MECR: variants seen among roughly 807,000 people sequenced by gnomAD.
The protein encoded by MECR is mitochondrial trans-2-enoyl-CoA reductase, also known as enoyl-[acyl-carrier-protein] reductase, mitochondrial.
In MECR, 37 loss-of-function variants were observed where a neutral mutation model predicts 49.1. That is an observed-to-expected ratio of 0.75 (90% CI 0.58 to 0.99). MECR has a LOEUF of 0.99. Among genes scored for constraint, MECR ranks in the 50% least tolerant of loss-of-function variants. MECR has a pLI of 0.00. For synonymous variants in MECR, 198 were observed against 191.1 expected, an observed-to-expected ratio of 1.04 and a Z score of -0.30; for missense variants, 470 against 479.6, an observed-to-expected ratio of 0.98 and a Z score of 0.19.
At chr1:29,173,069 T>C in the MECR span, 1 of 152,018 alleles carries the variant, frequency 6.6e-6, no homozygotes, top group Non-Finnish European at 1.5e-5. Context: ...CACTTTATGC[T>C]TTCATAATAT....
In MECR at chr1:29,230,789, G is replaced by T. The variant is rs374505770; in HGVS notation, c.118C>A (p.Pro40Thr). The change falls in exon 1 of 10, where the codon CCT (proline) becomes ACT (threonine). Residue 40 changes from proline (P) to threonine (T), a missense_variant. Coordinates refer to ENST00000263702, the MANE Select transcript of MECR (RefSeq NM_016011.5). The stretch of plus-strand genomic sequence containing the variant: ...TAGACAAGCGCCCGGACCCGGGCAG[G>T]CTCGGCGGATGCGGAGTAGGAGGAG... Reference protein sequence around the residue: ...AASSYSASAEPARVRALVYGH... With the variant: ...AASSYSASAETARVRALVYGH... 5.6e-6 allele frequency: 9 copies of T among 1,604,822 alleles called. No homozygotes were observed. Among genetic ancestry groups the T allele is most frequent in the African/African-American group, 1.3e-5 (1 of 74,896 alleles).
intron 7 of MECR, 120 bp from the exon 8 acceptor site, chr1:29,196,378 T>A: frequency 1.1e-6 from 1 of 885,360 alleles, no homozygotes; most frequent in Non-Finnish European, 1.7e-6. Context: ...TCAGAATCTC[T>A]GGGAAAGGTT....
the MECR span, among the ~76,000 whole-genome samples, chr1:29,185,348 ACACGGTTCT>A: frequency 2.0e-5 from 3 of 152,136 alleles, no homozygotes; most frequent in Admixed American, 1.3e-4. Context: ...TCCTGGGTTC[ACACGGTTCT>A]CCTGCCTCAG....
chr1:29,191,775 G>A (rs1673139128), downstream of MECR, among the ~76,000 whole-genome samples: 1 of 152,160 alleles, frequency 6.6e-6, no homozygotes, highest in African/African-American at 2.4e-5. Flanking sequence ...ATTATGCTGG[G>A]AGTCCATGTT....
At chr1:29,211,988 C>T (rs140790915) in intron 3 of MECR, among the ~76,000 whole-genome samples, 212 of 152,294 alleles carry the variant, frequency 1.4e-3, no homozygotes, top group Non-Finnish European at 2.6e-3. Context: ...GAAGAAAGAC[C>T]ATGTCTGTTC....
At chr1:29,189,692 T>A (rs1673086281), downstream of MECR, among the ~76,000 whole-genome samples, 1 of 152,110 alleles carries the variant, frequency 6.6e-6, no homozygotes, top group African/African-American at 2.4e-5. Context: ...TACCTGAAAT[T>A]CAGAACCTGG....
downstream of MECR, among the ~76,000 whole-genome samples, chr1:29,192,505 C>T (rs140300410): frequency 4.7e-4 from 72 of 152,246 alleles, no homozygotes; most frequent in Non-Finnish European, 6.9e-4. Context: ...ACTGGTCAAT[C>T]TTGCACTAGG....
chr1:29,189,700 T>A (rs1296476379), downstream of MECR, among the ~76,000 whole-genome samples: 1 of 152,134 alleles, frequency 6.6e-6, no homozygotes, highest in East Asian at 1.9e-4. Flanking sequence ...ATTCAGAACC[T>A]GGGAGTCTCT....
chr1:29,219,500 G>A (rs1680248855), intron 1 of MECR, among the ~76,000 whole-genome samples: 1 of 150,748 alleles, frequency 6.6e-6, no homozygotes, highest in Admixed American at 6.6e-5. Context: ...CCTCTTCCTA[G>A]TCCAGAAAAA....
At chr1:29,189,048 T>C (rs1246832649), downstream of MECR, among the ~76,000 whole-genome samples, 4 of 152,030 alleles carry the variant, frequency 2.6e-5, no homozygotes. Flanking sequence ...CAAGCAATTC[T>C]CCTGTCTCAG....
In MECR at chr1:29,201,829, G is replaced by A; in HGVS notation, c.756+114C>T. The A allele has an allele frequency of 2.1e-6, 2 of 940,026 alleles. No homozygotes were observed. The highest frequency in any genetic ancestry group is 3.4e-6 in the Non-Finnish European group (2 of 589,356). 58.2% of individuals were successfully genotyped at this position (940,026 alleles called of 1,614,324 possible). A position where few individuals can be genotyped will look rare whatever the true frequency, so the allele number is the denominator to read the frequency against. ...GGGCTTTAACCAACCAAGAGGCAAA[G>A]GGAGGTTTCCAGAGAGGAACAATGG... is the stretch of plus-strand genomic sequence containing the variant. On this transcript the variant is annotated intron_variant, in intron 6 of 9. Coordinates refer to ENST00000263702, the MANE Select transcript of MECR (RefSeq NM_016011.5). This position sits in a 1 kb window ranked among gnomAD's most constrained non-coding sequence, Gnocchi z 4.3.
chr1:29,196,073 G>A, intron 8 of MECR, 60 bp from the exon 9 acceptor site: 1 of 1,597,736 alleles, frequency 6.3e-7, no homozygotes, highest in Non-Finnish European at 8.6e-7. Flanking sequence ...TACCGCTTAA[G>A]GGTACAGACT....
the MECR span, among the ~76,000 whole-genome samples, chr1:29,174,123 AG>A: frequency 1.7e-4 from 26 of 151,470 alleles, no homozygotes; most frequent in African/African-American, 6.1e-4. Context: ...CGGGAGGCAG[AG>A]GTTGCAGTGA....
At chr1:29,217,796 G>A (rs1246193230) in intron 1 of MECR, among the ~76,000 whole-genome samples, 1 of 152,182 alleles carries the variant, frequency 6.6e-6, no homozygotes. Context: ...AGATATTTCT[G>A]TTAGTTGCAG....
chr1:29,230,407 C>G (rs1558523455), intron 1 of MECR: 1 of 300,768 alleles, frequency 3.3e-6, no homozygotes, highest in Non-Finnish European at 6.2e-6. Flanking sequence ...CAGTTTTCAT[C>G]TGCAAAATGG....
chr1:29,171,404 A>G, the MECR span: 1 of 147,692 alleles, frequency 6.8e-6, no homozygotes, highest in Non-Finnish European at 1.5e-5. Flanking sequence ...CAATGCCCAC[A>G]TGTATCTAGT....
the MECR span, chr1:29,171,092 A>G: frequency 1.3e-5 from 2 of 152,186 alleles, no homozygotes; most frequent in African/African-American, 2.4e-5. Flanking sequence ...AGGAATGACA[A>G]TAAGGCAGAG....
downstream of MECR, among the ~76,000 whole-genome samples, chr1:29,191,338 C>G (rs752579326): frequency 6.6e-6 from 1 of 152,056 alleles, no homozygotes; most frequent in Non-Finnish European, 1.5e-5. Flanking sequence ...GAGTCTCTCT[C>G]TCTTGCCCAG....
chr1:29,227,075 T>C (rs1490939757), intron 1 of MECR, among the ~76,000 whole-genome samples: 1 of 150,480 alleles, frequency 6.6e-6, no homozygotes, highest in Non-Finnish European at 1.5e-5. Flanking sequence ...GCGATTCTCC[T>C]GCCTCGGTCT....
Sources: gnomAD v4.1 joint callset for allele counts (sites outside exome capture counted in the v4.1 genomes callset) on GRCh38, gnomAD v4.1.1 for gene constraint, Gnocchi (gnomAD v3.1) non-coding constraint, MANE v1.5 for transcripts, NCBI Gene and HGNC (gene_info 2026-07-23, HGNC 2026-07-21) for gene names.